The following TMEM132D variants were observed in gnomAD, a reference collection of about 807,000 sequenced individuals.
The protein encoded by TMEM132D is mature OL transmembrane protein.
Under a neutral mutation model 62.3 loss-of-function variants are expected in TMEM132D, and 21 were observed. That is an observed-to-expected ratio of 0.34 (90% CI 0.24 to 0.49). The LOEUF is 0.49. TMEM132D is among the 20% of genes least tolerant of loss of function. The pLI, the probability that TMEM132D is intolerant of heterozygous loss-of-function variation, is 0.99. For synonymous variants in TMEM132D, 621 were observed against 575.6 expected (o/e 1.08, Z -1.13); for missense variants, 1,346 against 1,402.8 (o/e 0.96, Z 0.65).
intron 3 of TMEM132D, among the ~76,000 whole-genome samples, chr12:129,508,833 G>A (rs573346599): frequency 6.6e-6 from 1 of 152,138 alleles, no homozygotes; most frequent in Non-Finnish European, 1.5e-5. Flanking sequence ...ATTGCAGTGT[G>A]ATTTCTCCTA....
chr12:129,459,567 T>C (rs937001186), intron 3 of TMEM132D, among the ~76,000 whole-genome samples: 1 of 152,176 alleles, frequency 6.6e-6, no homozygotes, highest in Non-Finnish European at 1.5e-5. Flanking sequence ...AGAGGAATTC[T>C]AGAGAAGTGG....
chr12:129,406,407 T>A (rs1871789722), intron 3 of TMEM132D, among the ~76,000 whole-genome samples: 1 of 151,666 alleles, frequency 6.6e-6, no homozygotes. Flanking sequence ...GATCACGAGG[T>A]CAGGAGATTG....
At chr12:129,642,528 A>C (rs1241704943) in intron 2 of TMEM132D, among the ~76,000 whole-genome samples, 1 of 152,156 alleles carries the variant, frequency 6.6e-6, no homozygotes, top group East Asian at 1.9e-4. Context: ...ACTCAGACCT[A>C]GCCTCCAGTC....
intron 2 of TMEM132D, among the ~76,000 whole-genome samples, chr12:129,647,243 G>GGTTT (rs746675733): frequency 4.4e-4 from 52 of 117,598 alleles, no homozygotes; most frequent in African/African-American, 1.7e-3. Context: ...TTGTTTTTCT[G>GGTTT]TTTTTTTTTT....
At chr12:129,187,236 C>CA (rs5801836) in intron 5 of TMEM132D, among the ~76,000 whole-genome samples, 42,165 of 151,988 alleles carry the variant, frequency 0.28, 6,643 homozygotes, top group East Asian at 0.54. Flanking sequence ...TGGAGGAAGA[C>CA]AAAAAATACT....
intron 3 of TMEM132D, among the ~76,000 whole-genome samples, chr12:129,514,260 A>G (rs1875609952): frequency 2.0e-5 from 3 of 152,122 alleles, no homozygotes; most frequent in African/African-American, 7.2e-5. Context: ...CACCACCACC[A>G]CCAGCATCTC....
chr12:129,176,990 G>A (rs181767498), intron 5 of TMEM132D, among the ~76,000 whole-genome samples: 3 of 152,316 alleles, frequency 2.0e-5, no homozygotes, highest in South Asian at 2.1e-4. Flanking sequence ...TCTTGACCGC[G>A]CTTCAGGCTG....
intron 3 of TMEM132D, among the ~76,000 whole-genome samples, chr12:129,512,722 G>A (rs984716417): frequency 1.1e-4 from 16 of 152,318 alleles, no homozygotes; most frequent in Non-Finnish European, 2.4e-4. Flanking sequence ...AACTATAGCA[G>A]GAGTCCTCAG....
chr12:129,075,167 G>C, intron 8 of TMEM132D, 108 bp from the exon 9 acceptor site: 1 of 846,748 alleles, frequency 1.2e-6, no homozygotes, highest in Non-Finnish European at 1.8e-6. Context: ...CAAGAACAAA[G>C]ACAAACCTTT....
chr12:129,086,198 G>A (rs61944787), intron 5 of TMEM132D, among the ~76,000 whole-genome samples: 20,007 of 90,606 alleles, frequency 0.22, 1,419 homozygotes, highest in South Asian at 0.29. Flanking sequence ...AGTCACGCGC[G>A]CGCGTGTGTG....
chr12:129,082,931 T>G (rs578233579), intron 6 of TMEM132D, among the ~76,000 whole-genome samples: 1 of 152,238 alleles, frequency 6.6e-6, no homozygotes, highest in African/African-American at 2.4e-5. Flanking sequence ...GGTCTTGCTG[T>G]GTTGCCCAGG....
intron 5 of TMEM132D, among the ~76,000 whole-genome samples, chr12:129,183,250 C>G (rs1404681978): frequency 6.6e-6 from 1 of 152,216 alleles, no homozygotes; most frequent in Non-Finnish European, 1.5e-5. Flanking sequence ...TCTACCATAC[C>G]AGTCAACACG....
At chr12:129,693,133 A>G (rs1881103241) in intron 2 of TMEM132D, among the ~76,000 whole-genome samples, 4 of 152,216 alleles carry the variant, frequency 2.6e-5, no homozygotes, top group Admixed American at 2.0e-4. Context: ...GTGACGTCGT[A>G]CTGAATGTCG....
At chr12:129,662,812 A>AAAAAAAAGAG (rs1555224287) in intron 2 of TMEM132D, among the ~76,000 whole-genome samples, 15 of 83,396 alleles carry the variant, frequency 1.8e-4, no homozygotes, top group Middle Eastern at 9.1e-3. Context: ...AAAAAAAAAA[A>AAAAAAAAGAG]AGAGAGAGAG....
At chr12:129,263,064 C>T (rs1880594245) in intron 4 of TMEM132D, among the ~76,000 whole-genome samples, 2 of 152,180 alleles carry the variant, frequency 1.3e-5, no homozygotes, top group South Asian at 4.1e-4. Flanking sequence ...CACTTACTCT[C>T]TGCAGGGTTA....
At position 129,084,644 on chromosome 12, in the gene TMEM132D, T is replaced by C. The variant is rs778662022; in HGVS notation, c.1502A>G (p.Asn501Ser). 9 of 1,614,066 alleles carry C rather than the reference T, an allele frequency of 5.6e-6. No homozygotes were observed. In the Admixed American group the frequency reaches 1.5e-4, roughly 27 times the overall value. ...CTGGTAGGTGAAGTTCACCACCACG[T>C]TGACCTTGCCTTTCATTTCTTTCCC... ...VNGKEMKGKV[N>S]VVVNFTYQHL... The change falls in exon 6 of 9, where the codon AAC becomes AGC. Residue 501 changes from asparagine (N) to serine (S), a missense_variant. By Grantham distance (46) the Asn-to-Ser change is conservative. Transcript: ENST00000422113.
intron 2 of TMEM132D, among the ~76,000 whole-genome samples, chr12:129,558,655 TGA>T (rs1877128385): frequency 1.3e-5 from 2 of 152,118 alleles, no homozygotes; most frequent in African/African-American, 4.8e-5. Context: ...GAAAGTCAGG[TGA>T]AGCGTGCTCT....
Position 129,078,633 on chromosome 12 carries a change from C to T in TMEM132D, c.2016G>A (p.Leu672=), listed in dbSNP as rs1874354608. Reference sequence around the variant, plus strand: ...GCAAGGAGAGTGACAGCCCTGTCACCAGCTGCACCCCGAGGTCTGTGATGG... The same window carrying T: ...GCAAGGAGAGTGACAGCCCTGTCACTAGCTGCACCCCGAGGTCTGTGATGG... The part of the protein sequence containing the change: ...KVTITDLGVQ[L]VTGLSLSLQL... The change falls in exon 8 of 9, where the codon CTG becomes CTA. Residue 672 remains leucine (L), a synonymous_variant. Transcript: ENST00000422113. 6.2e-7 allele frequency: 1 copy of T among 1,614,072 alleles called. No individual in the cohort carries two copies. Among genetic ancestry groups the T allele is most frequent in the Non-Finnish European group, 8.5e-7 (1 of 1,180,038 alleles).
chr12:129,464,137 T>C (rs1346846801), intron 3 of TMEM132D, among the ~76,000 whole-genome samples: 1 of 149,658 alleles, frequency 6.7e-6, no homozygotes, highest in African/African-American at 2.4e-5. Flanking sequence ...CCAGCACCTC[T>C]TGTTTCCTGA....
Sources: allele counts gnomAD v4.1 joint callset (sites outside exome capture counted in the v4.1 genomes callset), GRCh38; gene constraint gnomAD v4.1.1; transcripts MANE v1.5; gene names NCBI Gene and HGNC (gene_info 2026-07-23, HGNC 2026-07-21).